PKD2L1: variants seen among roughly 807,000 people sequenced by gnomAD.
The protein encoded by PKD2L1 is polycystin 2 like 1, transient receptor potential cation channel.
PKD2L1 carries 77 observed loss-of-function variants against 93.0 expected under a neutral mutation model. That is an observed-to-expected ratio of 0.83 (90% confidence interval 0.69 to 1.00). PKD2L1 has a LOEUF of 1.00. Ranked by LOEUF, PKD2L1 falls within the 50% of genes least tolerant of loss-of-function variation. PKD2L1 has a pLI of 0.00. For missense variants in PKD2L1, 977 were observed against 990.9 expected (o/e 0.99, Z 0.19); for synonymous variants, 390 against 388.0 (o/e 1.01, Z -0.06).
intron 2 of PKD2L1, among the ~76,000 whole-genome samples, chr10:100,310,959 G>A (rs913681951): frequency 1.3e-5 from 2 of 152,194 alleles, no homozygotes; most frequent in African/African-American, 4.8e-5. Flanking sequence ...TCGAACTCCT[G>A]AGCTCAGGTA....
chr10:100,320,036 C>A (rs1849192775), intron 2 of PKD2L1, among the ~76,000 whole-genome samples: 1 of 152,182 alleles, frequency 6.6e-6, no homozygotes, highest in South Asian at 2.1e-4. Context: ...AGATAATTCT[C>A]CAGCACTTTC....
chr10:100,306,797 G>A (rs927950838), intron 2 of PKD2L1, among the ~76,000 whole-genome samples: 1 of 134,790 alleles, frequency 7.4e-6, no homozygotes, highest in Admixed American at 8.5e-5. Flanking sequence ...GATCAAGGCT[G>A]CAGTGAGTCA....
chr10:100,290,304 A>G, intron 13 of PKD2L1, 97 bp downstream of exon 13: 2 of 1,249,176 alleles, frequency 1.6e-6, no homozygotes, highest in East Asian at 2.3e-5. Context: ...TCCCTGGGGT[A>G]GGACAGAGAA....
chr10:100,290,104 G>A lies in PKD2L1; in HGVS notation c.2161C>T (p.Leu721=), dbSNP rs771201864. Residue 721 remains leucine, a synonymous_variant, in exon 14 of 16, where the codon CTG becomes TTG. Transcript: ENST00000318222. ...TRRVLQLETV[L]EGVVSQIDAV... ...TCAATCTGGGACACTACTCCTTCCA[G>A]GACAGTCTCCAGCTGCAGAACTCTC... 1 of 1,614,060 alleles carries A rather than the reference G, an allele frequency of 6.2e-7. No individual in the cohort carries two copies. Among genetic ancestry groups the A allele is most frequent in the South Asian group, 1.1e-5 (1 of 91,084 alleles).
At chr10:100,311,939 C>A (rs1848943918) in intron 2 of PKD2L1, among the ~76,000 whole-genome samples, 1 of 152,180 alleles carries the variant, frequency 6.6e-6, no homozygotes, top group Non-Finnish European at 1.5e-5. Context: ...AAGGATGCTT[C>A]TCTAGAAATC....
chr10:100,308,278 C>T (rs770234557), intron 2 of PKD2L1, among the ~76,000 whole-genome samples: 3 of 151,876 alleles, frequency 2.0e-5, no homozygotes, highest in Non-Finnish European at 4.4e-5. Context: ...TGAAAAATAC[C>T]AATAAAATAG....
intron 1 of PKD2L1, 94 bp from the exon 2 acceptor site, chr10:100,329,418 A>C (rs187535072): frequency 6.5e-7 from 1 of 1,546,652 alleles, no homozygotes; most frequent in Non-Finnish European, 8.8e-7. Flanking sequence ...GCCCCTTTCC[A>C]CCCCTGCCCT....
chr10:100,290,195 G>A (rs1848375303), intron 13 of PKD2L1, 57 bp from the exon 14 acceptor site: 9 of 1,605,410 alleles, frequency 5.6e-6, no homozygotes, highest in South Asian at 2.2e-5. Context: ...GGGGCTGGAT[G>A]TCTAAAGAGC....
intron 2 of PKD2L1, among the ~76,000 whole-genome samples, chr10:100,322,083 AGGTGT>A (rs1025116863): frequency 2.0e-5 from 3 of 150,206 alleles, no homozygotes; most frequent in African/African-American, 4.9e-5. Flanking sequence ...AAAATTAACC[AGGTGT>A]GGTGGTGCAT....
chr10:100,301,194 A>G (rs969520860), intron 2 of PKD2L1, among the ~76,000 whole-genome samples: 1 of 152,250 alleles, frequency 6.6e-6, no homozygotes, highest in Admixed American at 6.5e-5. Flanking sequence ...AAAAGATCAC[A>G]AGGCAGAAGG....
intron 2 of PKD2L1, among the ~76,000 whole-genome samples, chr10:100,305,297 GA>G (rs1435319607): frequency 4.6e-5 from 7 of 151,880 alleles, no homozygotes; most frequent in African/African-American, 1.7e-4. Context: ...ATTTTCAGTA[GA>G]GACAGGGGTT....
At chr10:100,311,270 A>T (rs190666862) in intron 2 of PKD2L1, among the ~76,000 whole-genome samples, 1 of 152,160 alleles carries the variant, frequency 6.6e-6, no homozygotes, top group East Asian at 1.9e-4. Context: ...GTGTTCTGGT[A>T]CACGTTTTTT....
intron 2 of PKD2L1, among the ~76,000 whole-genome samples, chr10:100,312,990 C>A (rs901577798): frequency 1.3e-5 from 2 of 151,946 alleles, no homozygotes; most frequent in Non-Finnish European, 2.9e-5. Flanking sequence ...CGAAGGAGGG[C>A]ACACTGTTTC....
At chr10:100,326,091 A>G (rs917447146) in intron 2 of PKD2L1, among the ~76,000 whole-genome samples, 3 of 152,116 alleles carry the variant, frequency 2.0e-5, no homozygotes, top group Non-Finnish European at 4.4e-5. Context: ...CAGGACTATC[A>G]TCTCCCCTAC....
At chr10:100,307,921 G>C (rs1407050270) in intron 2 of PKD2L1, among the ~76,000 whole-genome samples, 1 of 152,184 alleles carries the variant, frequency 6.6e-6, no homozygotes, top group African/African-American at 2.4e-5. Flanking sequence ...GGTGACACTA[G>C]ACCAGAGTGG....
intron 2 of PKD2L1, among the ~76,000 whole-genome samples, chr10:100,307,371 A>C (rs1449067375): frequency 1.3e-5 from 2 of 152,230 alleles, no homozygotes; most frequent in African/African-American, 4.8e-5. Context: ...CAAGAGATAC[A>C]TGTTACAGAG....
chr10:100,297,635 C>G, intron 4 of PKD2L1, 29 bp from the exon 5 acceptor site: 1 of 1,559,924 alleles, frequency 6.4e-7, no homozygotes. Flanking sequence ...GCTGAGCCAG[C>G]CCAAAAGTTC....
chr10:100,328,099 A>G (rs1311559500), intron 2 of PKD2L1, among the ~76,000 whole-genome samples: 1 of 152,230 alleles, frequency 6.6e-6, no homozygotes. Context: ...GCTTTAATCA[A>G]AACACAACCC....
chr10:100,292,021 C>A (rs1848416876), intron 11 of PKD2L1, among the ~76,000 whole-genome samples: 1 of 151,826 alleles, frequency 6.6e-6, no homozygotes, highest in East Asian at 1.9e-4. Flanking sequence ...TTGGAAGAGC[C>A]TTCCTCTGCT....
Sources: gnomAD v4.1 joint callset for allele counts (sites outside exome capture counted in the v4.1 genomes callset) on GRCh38, gnomAD v4.1.1 for gene constraint, MANE v1.5 for transcripts, NCBI Gene and HGNC (gene_info 2026-07-23, HGNC 2026-07-21) for gene names.